VWA5B1: variants seen among roughly 807,000 people sequenced by gnomAD.
VWA5B1 encodes the protein von Willebrand factor A domain-containing protein 5B1.
A neutral mutation model predicts 118.2 loss-of-function variants in VWA5B1; 115 were observed. That is an observed-to-expected ratio of 0.97 (90% CI 0.84 to 1.14). The LOEUF is 1.14. VWA5B1 is among the 50% of genes most tolerant of loss of function. The probability of loss-of-function intolerance (pLI) is 0.00; values close to 1 mark genes in which losing one functional copy is unlikely to be tolerated. For synonymous variants in VWA5B1, 682 were observed against 658.4 expected, an observed-to-expected ratio of 1.04 and a Z score of -0.55; for missense variants, 1,596 against 1,603.8, an observed-to-expected ratio of 1.00 and a Z score of 0.08.
At chr1:20,306,999 C>G (rs544584917) in intron 1 of VWA5B1, among the ~76,000 whole-genome samples, 37 of 152,324 alleles carry the variant, frequency 2.4e-4, no homozygotes, top group Middle Eastern at 3.4e-3. Flanking sequence ...TCCCTCTTCT[C>G]CCCTGGCCCC....
chr1:20,297,380 C>A (rs1047667372), intron 1 of VWA5B1, among the ~76,000 whole-genome samples: 2 of 152,226 alleles, frequency 1.3e-5, no homozygotes, highest in African/African-American at 4.8e-5. Flanking sequence ...CATGGGCAAG[C>A]ACACATTGGC....
rs2090275808 is a variant in VWA5B1, at chr1:20,358,942, C to T, written c.*4679C>T. Among the ~76,000 whole-genome samples the T allele has an allele frequency of 2.6e-5, 4 of 152,226 alleles. No individual in the cohort carries two copies. The South Asian group carries it at 8.3e-4, about 32-fold the overall frequency. Reference sequence around the variant, plus strand: ...GCAGCTCCTGGCCACGCCTACAGCTCCCAACCGTGGACCTCTCTGCCCTGT... The same window carrying T: ...GCAGCTCCTGGCCACGCCTACAGCTTCCAACCGTGGACCTCTCTGCCCTGT... On this transcript the variant is annotated 3_prime_UTR_variant, in exon 22 of 22. Coordinates refer to ENST00000289815, the MANE Select transcript of VWA5B1 (RefSeq NM_001039500.3).
At chr1:20,317,754 G>GCCCC in intron 5 of VWA5B1, 79 bp downstream of exon 5, 191 of 482,992 alleles carry the variant, frequency 4.0e-4, no homozygotes, top group Non-Finnish European at 6.9e-4. Context: ...ACGGGGGTGG[G>GCCCC]AAGGAAAGCC....
In VWA5B1 at chr1:20,318,651, G is replaced by C; in HGVS notation, c.771G>C (p.Lys257Asn). The part of the protein sequence containing the change: ...ADAAPSARSA[K>N]SIIITLANKH... ...CCGCCCCATCTGCCCGCTCGGCCAA[G>C]AGCATCATCATCACCTTGGCCAACA... Residue 257 changes from lysine to asparagine, a missense_variant, in exon 6 of 22, where the codon AAG (lysine) becomes AAC (asparagine). By Grantham distance (94) the Lys-to-Asn change is moderately conservative. Transcript: ENST00000289815. 6.5e-7 allele frequency: 1 copy of C among 1,550,178 alleles called. No homozygotes were observed. Among genetic ancestry groups the C allele is most frequent in the Admixed American group, 2.0e-5 (1 of 50,884 alleles).
At chr1:20,329,949 A>G (rs780401141) in intron 9 of VWA5B1, among the ~76,000 whole-genome samples, 7 of 152,190 alleles carry the variant, frequency 4.6e-5, no homozygotes, top group Non-Finnish European at 1.0e-4. Flanking sequence ...AGAACCCGGA[A>G]AGGACAACTG....
chr1:20,329,368 T>A (rs1326916128), intron 9 of VWA5B1, among the ~76,000 whole-genome samples: 1 of 146,692 alleles, frequency 6.8e-6, no homozygotes, highest in Non-Finnish European at 1.5e-5. Flanking sequence ...AGTGGTGCGA[T>A]CTTGATCTTG....
In VWA5B1 at chr1:20,358,136, G is replaced by A. The variant is rs983044465; in HGVS notation, c.*3873G>A. ...TTTCCCCAGCCAGTCCCTTCTCTGC[G>A]GGCAAAATGAATGGCATCCCCTAGC... On this transcript the variant is annotated 3_prime_UTR_variant, in exon 22 of 22. Transcript: ENST00000289815. Among the ~76,000 whole-genome samples the A allele has an allele frequency of 6.6e-6, 1 of 152,250 alleles. No homozygotes were observed. The highest frequency in any genetic ancestry group is 1.5e-5 in the Non-Finnish European group (1 of 68,022).
intron 16 of VWA5B1, among the ~76,000 whole-genome samples, chr1:20,345,225 T>C (rs1189016363): frequency 6.6e-6 from 1 of 152,258 alleles, no homozygotes; most frequent in Non-Finnish European, 1.5e-5. Context: ...GACAATGTCT[T>C]ACATTTTTAC....
chr1:20,305,703 G>T (rs1418090555), intron 1 of VWA5B1, among the ~76,000 whole-genome samples: 1 of 152,008 alleles, frequency 6.6e-6, no homozygotes, highest in African/African-American at 2.4e-5. Flanking sequence ...CAGGGGCACA[G>T]AATTACAGAG....
At chr1:20,335,975 T>C (rs1043148559) in intron 12 of VWA5B1, among the ~76,000 whole-genome samples, 4 of 152,196 alleles carry the variant, frequency 2.6e-5, no homozygotes, top group African/African-American at 9.7e-5. Context: ...TCAGGGAGAA[T>C]GGAATGGAAG....
intron 8 of VWA5B1, among the ~76,000 whole-genome samples, chr1:20,324,798 A>G (rs895621365): frequency 1.4e-4 from 21 of 152,192 alleles, no homozygotes; most frequent in Admixed American, 3.3e-4. Flanking sequence ...CAAAGGAATC[A>G]TACACAGGAC....
At chr1:20,326,164 G>A (rs532990332) in intron 8 of VWA5B1, among the ~76,000 whole-genome samples, 28 of 152,292 alleles carry the variant, frequency 1.8e-4, no homozygotes, top group African/African-American at 6.0e-4. Context: ...ATGTATTGAC[G>A]CAAGCAATGA....
chr1:20,312,970 C>G lies in VWA5B1; in HGVS notation c.274C>G (p.Arg92Gly), dbSNP rs764760056. 2.6e-6 allele frequency: 4 copies of G among 1,551,550 alleles called. No individual in the cohort carries two copies. The highest frequency in any genetic ancestry group is 4.9e-5 in the East Asian group (2 of 40,902). The change falls in exon 3 of 22, where the codon CGA becomes GGA. Residue 92 changes from arginine to glycine, a missense_variant. Coordinates refer to ENST00000289815, the MANE Select transcript of VWA5B1 (RefSeq NM_001039500.3). ...ESGHFDASHV[R>G]SPTVTGNILQ... ...CGGCCACTTCGATGCCTCCCATGTT[C>G]GATCCCCAACAGTCACAGGTAAGGA...
intron 7 of VWA5B1, among the ~76,000 whole-genome samples, chr1:20,321,387 C>A (rs971241736): frequency 6.6e-6 from 1 of 152,120 alleles, no homozygotes; most frequent in African/African-American, 2.4e-5. Context: ...GAGATCAAGA[C>A]CATCCTGGCC....
intron 8 of VWA5B1, among the ~76,000 whole-genome samples, 187 bp downstream of exon 8, chr1:20,323,719 C>T (rs2089292702): frequency 6.6e-6 from 1 of 152,228 alleles, no homozygotes; most frequent in Non-Finnish European, 1.5e-5. Context: ...AGAAGCTGAG[C>T]TGGCATCCAT....
intron 15 of VWA5B1, 69 bp from the exon 16 acceptor site, chr1:20,343,010 G>A (rs1394776266): frequency 1.4e-6 from 2 of 1,456,568 alleles, no homozygotes; most frequent in Admixed American, 5.4e-5. Context: ...GGGGAGGAAT[G>A]ATGTCCCCTG....
At chr1:20,336,887 A>ACAGGGTGC (rs2089733446) in intron 13 of VWA5B1, among the ~76,000 whole-genome samples, 1 of 152,186 alleles carries the variant, frequency 6.6e-6, no homozygotes, top group South Asian at 2.1e-4. Context: ...AAGCAGAGTG[A>ACAGGGTGC]CAGGGTGCCA....
chr1:20,341,501 A>G (rs1314267649), intron 14 of VWA5B1, among the ~76,000 whole-genome samples: 2 of 152,238 alleles, frequency 1.3e-5, no homozygotes, highest in Admixed American at 6.5e-5. Context: ...AATCTGCAAG[A>G]TGGAAAAAAA....
In VWA5B1 at chr1:20,318,646, G is replaced by T. The variant is rs1469032923; in HGVS notation, c.766G>T (p.Ala256Ser). The change falls in exon 6 of 22, where the codon GCC becomes TCC. Residue 256 changes from alanine (A) to serine (S), a missense_variant. Coordinates refer to ENST00000289815, the MANE Select transcript of VWA5B1 (RefSeq NM_001039500.3). ...RADAAPSARSAKSIIITLANK... is the reference protein window; with the variant it reads ...RADAAPSARSSKSIIITLANK... ...CGACGCCGCCCCATCTGCCCGCTCG[G>T]CCAAGAGCATCATCATCACCTTGGC... 45 of 1,550,208 alleles carry T rather than the reference G, an allele frequency of 2.9e-5. No homozygotes were observed. Among genetic ancestry groups the T allele is most frequent in the Non-Finnish European group, 3.8e-5 (44 of 1,146,268 alleles).
Sources: allele counts gnomAD v4.1 joint callset (sites outside exome capture counted in the v4.1 genomes callset), GRCh38; gene constraint gnomAD v4.1.1; transcripts MANE v1.5; gene names NCBI Gene and HGNC (gene_info 2026-07-23, HGNC 2026-07-21).